SUGCT: variants seen among roughly 807,000 people sequenced by gnomAD.
The protein encoded by SUGCT is succinyl-CoA:glutarate-CoA transferase.
Under a neutral mutation model 55.0 loss-of-function variants are expected in SUGCT, and 41 were observed. That is an observed-to-expected ratio of 0.74 (90% CI 0.58 to 0.97). The LOEUF is 0.97. Ranked by LOEUF, SUGCT falls within the 50% of genes least tolerant of loss-of-function variation. The pLI is 0.00. For missense variants in SUGCT, 568 were observed against 547.8 expected (o/e 1.04, Z -0.37); for synonymous variants, 187 against 200.4 (o/e 0.93, Z 0.56).
intron 9 of SUGCT, among the ~76,000 whole-genome samples, chr7:40,410,644 G>A (rs1173694518): frequency 6.6e-6 from 1 of 152,070 alleles, no homozygotes; most frequent in Non-Finnish European, 1.5e-5. Context: ...ACTTCTTTGT[G>A]GTAGGAATAT....
At chr7:40,333,636 C>CAAAAAA (rs1212001738) in intron 9 of SUGCT, among the ~76,000 whole-genome samples, 2 of 49,944 alleles carry the variant, frequency 4.0e-5, no homozygotes, top group African/African-American at 8.7e-5. Flanking sequence ...GACTCTGTCT[C>CAAAAAA]AAAAAAAAAA....
intron 12 of SUGCT, among the ~76,000 whole-genome samples, chr7:40,704,698 TAATAAG>T (rs1288227019): frequency 6.6e-6 from 1 of 152,222 alleles, no homozygotes. Context: ...TATTGAATTA[TAATAAG>T]AATAACAACG....
intron 13 of SUGCT, among the ~76,000 whole-genome samples, chr7:40,816,788 A>G (rs1791693774): frequency 6.6e-6 from 1 of 152,216 alleles, no homozygotes; most frequent in Non-Finnish European, 1.5e-5. Context: ...ATTGTATGCA[A>G]AGTAAAGGCC....
chr7:40,779,985 T>C (rs575805988), intron 13 of SUGCT, among the ~76,000 whole-genome samples: 4 of 152,346 alleles, frequency 2.6e-5, no homozygotes, highest in African/African-American at 9.6e-5. Flanking sequence ...GTGGAAGCCA[T>C]TGACGATCAT....
At chr7:40,663,599 G>A (rs1318017448) in intron 12 of SUGCT, among the ~76,000 whole-genome samples, 2 of 151,730 alleles carry the variant, frequency 1.3e-5, no homozygotes, top group Admixed American at 1.3e-4. Flanking sequence ...TCTCTTGTAT[G>A]TTCCTAAATT....
At chr7:40,229,116 G>A (rs1173017273) in intron 6 of SUGCT, among the ~76,000 whole-genome samples, 1 of 152,174 alleles carries the variant, frequency 6.6e-6, no homozygotes, top group African/African-American at 2.4e-5. Flanking sequence ...GTTCCTCTTA[G>A]TGGGAAGTGG....
At chr7:40,308,555 C>T (rs1246829054) in intron 8 of SUGCT, among the ~76,000 whole-genome samples, 1 of 152,134 alleles carries the variant, frequency 6.6e-6, no homozygotes, top group African/African-American at 2.4e-5. Context: ...CCTGCAAGGA[C>T]CCATATGATA....
intron 9 of SUGCT, among the ~76,000 whole-genome samples, chr7:40,432,135 A>G (rs1003246789): frequency 4.6e-5 from 7 of 152,116 alleles, no homozygotes; most frequent in South Asian, 4.1e-4. Flanking sequence ...GTTTTTCCCA[A>G]TTGATTATAA....
chr7:40,701,060 A>G (rs960805349), intron 12 of SUGCT, among the ~76,000 whole-genome samples: 1 of 152,150 alleles, frequency 6.6e-6, no homozygotes, highest in Non-Finnish European at 1.5e-5. Context: ...TCCTTTTATC[A>G]TTCTTTCCTT....
intron 4 of SUGCT, 25 bp downstream of exon 4, chr7:40,188,605 T>G (rs1785695870): frequency 6.6e-7 from 1 of 1,515,654 alleles, no homozygotes; most frequent in African/African-American, 1.4e-5. Flanking sequence ...CCTTTTTTGC[T>G]TTTTGTGTGT....
chr7:40,522,613 T>A lies in SUGCT; in HGVS notation c.1089+26227T>A, dbSNP rs115838936. On this transcript the variant is annotated intron_variant, in intron 12 of 13. Transcript: ENST00000335693. ...AAGAAATGTTAATTTGGAGAAAAAA[T>A]TTTGTAGGAAATATGTAATGTATAA... is the stretch of plus-strand genomic sequence containing the variant. Among the ~76,000 whole-genome samples the A allele has an allele frequency of 4.8e-3, 729 of 152,170 alleles. 6 individuals are homozygous for A. Among genetic ancestry groups the A allele is most frequent in the African/African-American group, 0.016 (685 of 41,544 alleles).
intron 8 of SUGCT, among the ~76,000 whole-genome samples, chr7:40,297,531 T>C (rs956759676): frequency 2.0e-5 from 3 of 152,110 alleles, no homozygotes; most frequent in Non-Finnish European, 2.9e-5. Context: ...GTGATGCAAA[T>C]CTGATCATTT....
At chr7:40,790,976 T>C (rs549404753) in intron 13 of SUGCT, among the ~76,000 whole-genome samples, 8 of 152,340 alleles carry the variant, frequency 5.3e-5, no homozygotes, top group African/African-American at 1.9e-4. Context: ...TGCTTGCAGC[T>C]GAAAGCATAA....
At chr7:40,927,155 A>G in the SUGCT span, among the ~76,000 whole-genome samples, 1 of 152,224 alleles carries the variant, frequency 6.6e-6, no homozygotes. Flanking sequence ...ATAGTCTAAG[A>G]TATGCAAAGG....
At chr7:40,448,244 C>CCCTCCCTCCCTTCCTT (rs1421691982) in intron 9 of SUGCT, among the ~76,000 whole-genome samples, 1 of 137,986 alleles carries the variant, frequency 7.2e-6, no homozygotes, top group Non-Finnish European at 1.6e-5. Context: ...CTCCCTCCCT[C>CCCTCCCTCCCTTCCTT]CCTTCCTTCC....
At chr7:40,613,065 G>A (rs778554242) in intron 12 of SUGCT, among the ~76,000 whole-genome samples, 7 of 152,020 alleles carry the variant, frequency 4.6e-5, no homozygotes, top group African/African-American at 1.2e-4. Context: ...CCCAGGAGGC[G>A]GAGGTTGCAG....
intron 7 of SUGCT, among the ~76,000 whole-genome samples, chr7:40,238,618 G>A (rs1789162819): frequency 6.6e-6 from 1 of 150,894 alleles, no homozygotes; most frequent in South Asian, 2.1e-4. Context: ...GTGACCTCAA[G>A]TCTTTTGCAG....
At chr7:40,562,294 G>A (rs1203557602) in intron 12 of SUGCT, among the ~76,000 whole-genome samples, 6 of 134,470 alleles carry the variant, frequency 4.5e-5, no homozygotes, top group East Asian at 2.1e-4. Flanking sequence ...GCGAGATTCC[G>A]TCTCAAAAAA....
At chr7:40,257,796 C>T (rs768191326) in intron 7 of SUGCT, among the ~76,000 whole-genome samples, 1 of 152,060 alleles carries the variant, frequency 6.6e-6, no homozygotes, top group Non-Finnish European at 1.5e-5. Context: ...ATCACTTGAA[C>T]CCGGGAGGTG....
Sources: allele counts gnomAD v4.1 joint callset (sites outside exome capture counted in the v4.1 genomes callset), GRCh38; gene constraint gnomAD v4.1.1; transcripts MANE v1.5; gene names NCBI Gene and HGNC (gene_info 2026-07-23, HGNC 2026-07-21).